SYT9: variants seen among roughly 807,000 people sequenced by gnomAD.
SYT9 encodes synaptotagmin 9, also known as synaptotagmin-9.
In SYT9, 22 loss-of-function variants were observed where a neutral mutation model predicts 48.4. The observed-to-expected ratio is 0.45, with a 90% CI of 0.32 to 0.65. The LOEUF (loss-of-function observed/expected upper bound fraction) is 0.65, where lower values mean the gene tolerates loss of function less well. Ranked by LOEUF, SYT9 falls within the 30% of genes least tolerant of loss-of-function variation. SYT9 has a pLI of 0.03. For synonymous variants in SYT9, 265 were observed against 245.0 expected (o/e 1.08, Z -0.76); for missense variants, 577 against 622.0 (o/e 0.93, Z 0.77).
intron 3 of SYT9, among the ~76,000 whole-genome samples, chr11:7,315,662 C>A (rs1183704962): frequency 6.6e-6 from 1 of 152,172 alleles, no homozygotes; most frequent in Non-Finnish European, 1.5e-5. Context: ...GTGGCTGATA[C>A]AAATCTGGAT....
At chr11:7,323,507 G>A (rs1321479920) in intron 3 of SYT9, among the ~76,000 whole-genome samples, 1 of 151,544 alleles carries the variant, frequency 6.6e-6, no homozygotes, top group African/African-American at 2.4e-5. Context: ...CAATACAAAT[G>A]CCAGTGGAGT....
At chr11:7,360,000 C>G (rs1189637743) in intron 3 of SYT9, among the ~76,000 whole-genome samples, 1 of 151,638 alleles carries the variant, frequency 6.6e-6, no homozygotes, top group Non-Finnish European at 1.5e-5. Context: ...ACATGTAAGT[C>G]TTTAATCCAT....
Position 7,465,042 on chromosome 11 carries a change from T to C in SYT9, c.1468-1750T>C, listed in dbSNP as rs370669365. 2.9e-4 allele frequency among the ~76,000 whole-genome samples: 44 copies of C among 152,058 alleles called. No individual in the cohort carries two copies. The South Asian group carries it at 9.0e-3, about 31-fold the overall frequency. On this transcript the variant is annotated intron_variant, in intron 6 of 6. Transcript: ENST00000318881. ...GGTGGAGCTTGCAGTGAGTCGAGAT[T>C]GCGCCACTGCACTCCAGCCTGGGGA...
chr11:7,350,650 T>G (rs1290173167), intron 3 of SYT9, among the ~76,000 whole-genome samples: 2 of 152,192 alleles, frequency 1.3e-5, no homozygotes, highest in African/African-American at 4.8e-5. Flanking sequence ...GAGCTCATTC[T>G]CTTTTCTTTC....
rs74841543 is a variant in SYT9 at position 7,434,824 on chromosome 11, T to C, written c.1467+14189T>C. 2.1e-3 allele frequency among the ~76,000 whole-genome samples: 313 copies of C among 152,314 alleles called. 2 individuals are homozygous for C. The highest frequency in any genetic ancestry group is 7.0e-3 in the African/African-American group (293 of 41,568). On this transcript the variant is annotated intron_variant, in intron 6 of 6. Transcript: ENST00000318881. The stretch of plus-strand genomic sequence containing the variant: ...GGGTGAGTAGTTGGAGGTGACAGAA[T>C]ATAATCTTTCAGTTGCATTTAAAGT...
intron 1 of SYT9, among the ~76,000 whole-genome samples, chr11:7,270,480 C>A (rs560615152): frequency 7.9e-5 from 12 of 151,978 alleles, no homozygotes; most frequent in Non-Finnish European, 1.8e-4. Context: ...TAAAGCAAAC[C>A]CATTAGTGGT....
rs375631286 is a variant in SYT9 at position 7,374,719 on chromosome 11, T to C, written c.1045-41323T>C. On this transcript the variant is annotated intron_variant, in intron 3 of 6. Coordinates refer to ENST00000318881, the MANE Select transcript of SYT9 (RefSeq NM_175733.4). ...GTTTCTTGGCCACATAAATGTCTTC[T>C]TTTGAGAAGTGTCTGTTCATATCCT... 7.2e-5 allele frequency among the ~76,000 whole-genome samples: 11 copies of C among 152,356 alleles called. No homozygotes were observed. In the East Asian group the frequency reaches 1.7e-3, roughly 24 times the overall value.
At chr11:7,311,273 G>C (rs964861057) in intron 2 of SYT9, among the ~76,000 whole-genome samples, 1 of 152,196 alleles carries the variant, frequency 6.6e-6, no homozygotes, top group African/African-American at 2.4e-5. Flanking sequence ...TTGCACTTCA[G>C]CCCCAGTTGA....
intron 1 of SYT9, among the ~76,000 whole-genome samples, chr11:7,241,527 G>T (rs778450733): frequency 6.6e-6 from 1 of 152,204 alleles, no homozygotes; most frequent in Non-Finnish European, 1.5e-5. Flanking sequence ...GATATGAGAA[G>T]CTGAAGTGCA....
At chr11:7,453,029 G>A (rs2134150551) in intron 6 of SYT9, among the ~76,000 whole-genome samples, 1 of 152,040 alleles carries the variant, frequency 6.6e-6, no homozygotes, top group South Asian at 2.1e-4. Flanking sequence ...TGATCCCCCT[G>A]CCTCGGCCTC....
rs571676574 is a variant in SYT9 at position 7,283,133 on chromosome 11, A to G, written c.146-19906A>G. ...TTTTGGTTTACCAACTTTAGATTATATATGTATGTGTGTGTATATATATAT... is the reference window on the plus strand; with the variant it reads ...TTTTGGTTTACCAACTTTAGATTATGTATGTATGTGTGTGTATATATATAT... On this transcript the variant is annotated intron_variant, in intron 1 of 6. Coordinates refer to ENST00000318881, the MANE Select transcript of SYT9 (RefSeq NM_175733.4). Among the ~76,000 whole-genome samples, 3 of 146,974 alleles carry G rather than the reference A, an allele frequency of 2.0e-5. No homozygotes were observed. The East Asian group carries it at 6.1e-4, about 30-fold the overall frequency.
intron 3 of SYT9, among the ~76,000 whole-genome samples, chr11:7,334,394 A>G (rs1029398934): frequency 6.6e-6 from 1 of 152,216 alleles, no homozygotes; most frequent in Non-Finnish European, 1.5e-5. Context: ...CTATTATAGA[A>G]GGCCACTCGC....
chr11:7,390,356 C>G (rs1372976700), intron 3 of SYT9, among the ~76,000 whole-genome samples: 1 of 152,114 alleles, frequency 6.6e-6, no homozygotes, highest in African/African-American at 2.4e-5. Flanking sequence ...ATTATTTTAA[C>G]TACCTGTGAA....
chr11:7,244,598 T>C (rs1419226890), intron 1 of SYT9, among the ~76,000 whole-genome samples: 1 of 152,226 alleles, frequency 6.6e-6, no homozygotes, highest in African/African-American at 2.4e-5. Flanking sequence ...TAGGAAGTTT[T>C]TGAGCATTTG....
chr11:7,382,089 T>C (rs777642060), intron 3 of SYT9, among the ~76,000 whole-genome samples: 29 of 152,202 alleles, frequency 1.9e-4, no homozygotes, highest in Non-Finnish European at 3.5e-4. Flanking sequence ...TGTTGCAGTG[T>C]AGGCATGAGG....
intron 3 of SYT9, among the ~76,000 whole-genome samples, chr11:7,395,009 AT>A (rs898132233): frequency 1.5e-4 from 22 of 149,824 alleles, no homozygotes; most frequent in East Asian, 1.4e-3. Flanking sequence ...GGGCATTTCT[AT>A]TTTTTTTTTA....
intron 1 of SYT9, among the ~76,000 whole-genome samples, chr11:7,272,921 T>C (rs1306792219): frequency 2.6e-5 from 4 of 152,118 alleles, no homozygotes; most frequent in African/African-American, 4.8e-5. Context: ...TGAGTTAGGA[T>C]TGGTGGAGTT....
rs147900994 is a variant in SYT9, at chr11:7,301,290, G to C, written c.146-1749G>C. On this transcript the variant is annotated intron_variant, in intron 1 of 6. Coordinates refer to ENST00000318881, the MANE Select transcript of SYT9 (RefSeq NM_175733.4). ...TGATTGGGCGGCAAAGAGGAAGTATGTTAAATCCATCAACAGTCCTGGCAG... is the reference window on the plus strand; with the variant it reads ...TGATTGGGCGGCAAAGAGGAAGTATCTTAAATCCATCAACAGTCCTGGCAG... Among the ~76,000 whole-genome samples the C allele has an allele frequency of 5.2e-3, 796 of 152,344 alleles. 7 individuals are homozygous for C. The highest frequency in any genetic ancestry group is 0.016 in the African/African-American group (654 of 41,576).
intron 1 of SYT9, among the ~76,000 whole-genome samples, chr11:7,261,479 AGG>A (rs1467914209): frequency 6.6e-6 from 1 of 152,174 alleles, no homozygotes; most frequent in African/African-American, 2.4e-5. Context: ...TACATACAGT[AGG>A]GAATGAAACA....
Sources: allele counts gnomAD v4.1 joint callset (sites outside exome capture counted in the v4.1 genomes callset), GRCh38; gene constraint gnomAD v4.1.1; transcripts MANE v1.5; gene names NCBI Gene and HGNC (gene_info 2026-07-23, HGNC 2026-07-21).